The following IQCK variants were observed in gnomAD, a reference collection of about 807,000 sequenced individuals.
IQCK encodes the protein IQ domain-containing protein K.
A neutral mutation model predicts 28.1 loss-of-function variants in IQCK; 29 were observed. That is an observed-to-expected ratio of 1.03 (90% CI 0.77 to 1.41). The LOEUF (loss-of-function observed/expected upper bound fraction) is 1.41. Among genes scored for constraint, IQCK ranks in the 40% most tolerant of loss-of-function variants. The pLI, the probability that IQCK is intolerant of heterozygous loss-of-function variation, is 0.00. For missense variants in IQCK, 359 were observed against 314.7 expected (o/e 1.14, Z -1.07); for synonymous variants, 113 against 115.1 (o/e 0.98, Z 0.12).
intron 6 of IQCK, among the ~76,000 whole-genome samples, chr16:19,773,019 T>TA (rs1178281614): frequency 2.0e-5 from 3 of 151,710 alleles, no homozygotes; most frequent in Non-Finnish European, 4.4e-5. Context: ...TAATAATAAT[T>TA]AAAAAAACAT....
At chr16:19,769,678 A>G (rs772245921) in intron 6 of IQCK, among the ~76,000 whole-genome samples, 1 of 152,240 alleles carries the variant, frequency 6.6e-6, no homozygotes, top group Non-Finnish European at 1.5e-5. Flanking sequence ...GCATTATTCC[A>G]TAAGCAAGAG....
chr16:19,843,024 G>T (rs191191149), intron 9 of IQCK, among the ~76,000 whole-genome samples: 28 of 152,204 alleles, frequency 1.8e-4, no homozygotes, highest in Non-Finnish European at 4.0e-4. Context: ...TGTTGACAAG[G>T]AGAATAGGGC....
intron 4 of IQCK, among the ~76,000 whole-genome samples, chr16:19,750,012 G>A (rs748180684): frequency 6.6e-6 from 1 of 152,118 alleles, no homozygotes; most frequent in Non-Finnish European, 1.5e-5. Flanking sequence ...TTGTAGATGC[G>A]TGACCCCAGA....
At chr16:19,763,896 T>C (rs2055188720) in exon 5 of IQCK, 1 of 1,613,666 alleles carries the variant, frequency 6.2e-7, no homozygotes, top group Admixed American at 1.7e-5. Flanking sequence ...TGAGTGGTTA[T>C]ACAAGTAAGT....
At chr16:19,852,684 G>A (rs1032723254) in intron 9 of IQCK, among the ~76,000 whole-genome samples, 17 of 144,700 alleles carry the variant, frequency 1.2e-4, no homozygotes, top group Admixed American at 2.2e-4. Context: ...GTGCAGTGAC[G>A]CGATCTTGGC....
At chr16:19,765,362 A>AC (rs1567548529) in intron 6 of IQCK, among the ~76,000 whole-genome samples, 1 of 151,396 alleles carries the variant, frequency 6.6e-6, no homozygotes, top group Non-Finnish European at 1.5e-5. Context: ...ACATGGCAAA[A>AC]CCCCGTCTCT....
exon 10 of IQCK, chr16:19,857,470 C>CG: frequency 2.3e-6 from 1 of 437,454 alleles, no homozygotes; most frequent in African/African-American, 2.1e-5. Flanking sequence ...AACAGTCAGC[C>CG]GGGGGAAGAT....
chr16:19,730,612 G>A (rs1030439915), intron 2 of IQCK, 118 bp downstream of exon 2: 40 of 704,990 alleles, frequency 5.7e-5, no homozygotes, highest in Non-Finnish European at 3.2e-5. Context: ...GAAGGCACTG[G>A]AGCGAGAACC....
chr16:19,769,255 C>T (rs990461388), intron 6 of IQCK, among the ~76,000 whole-genome samples: 14 of 152,228 alleles, frequency 9.2e-5, no homozygotes, highest in South Asian at 6.2e-4. Flanking sequence ...GTGCCACATT[C>T]GAGGTTTAAT....
intron 6 of IQCK, among the ~76,000 whole-genome samples, chr16:19,765,040 G>A (rs1056503567): frequency 2.8e-5 from 4 of 144,204 alleles, no homozygotes; most frequent in Admixed American, 1.4e-4. Context: ...GGCTAACACA[G>A]TGAAACCCCG....
chr16:19,759,887 G>C (rs1357857145), intron 4 of IQCK, among the ~76,000 whole-genome samples: 3 of 152,118 alleles, frequency 2.0e-5, no homozygotes. Flanking sequence ...AGAGGCTGAG[G>C]CAGGAGGCAG....
intron 4 of IQCK, chr16:19,735,967 G>C: frequency 2.6e-6 from 1 of 383,152 alleles, no homozygotes. Context: ...TCAAGAGGCT[G>C]AGGCAGGAAG....
At chr16:19,814,807 A>C (rs1174383019) in intron 7 of IQCK, among the ~76,000 whole-genome samples, 1 of 99,570 alleles carries the variant, frequency 1.0e-5, no homozygotes, top group Non-Finnish European at 1.8e-5. Flanking sequence ...TTTTTTTTTG[A>C]GACAGGGTCT....
At chr16:19,828,977 AT>A (rs887281470), downstream of IQCK, among the ~76,000 whole-genome samples, 24 of 143,904 alleles carry the variant, frequency 1.7e-4, no homozygotes, top group African/African-American at 6.1e-4. Context: ...TAAATATATA[AT>A]TATATATATA....
intron 6 of IQCK, among the ~76,000 whole-genome samples, chr16:19,771,945 G>C (rs770281176): frequency 1.1e-4 from 16 of 152,106 alleles, no homozygotes; most frequent in Non-Finnish European, 2.4e-4. Context: ...GGATAAATAG[G>C]GATGGCCCAG....
chr16:19,849,514 C>T lies in IQCK; in HGVS notation c.803-6973C>T, dbSNP rs111458612. 8.1e-3 allele frequency among the ~76,000 whole-genome samples: 1,232 copies of T among 151,464 alleles called. 18 individuals carry two copies. The highest frequency in any genetic ancestry group is 0.028 in the African/African-American group (1,147 of 41,320). Reference sequence around the variant, plus strand: ...CGGTGGCTCATACCTGTAATCTCAGCGCTTTGGGAGGCCAAGACAGTAGGA... The same window carrying T: ...CGGTGGCTCATACCTGTAATCTCAGTGCTTTGGGAGGCCAAGACAGTAGGA... On this transcript the variant is annotated intron_variant, in intron 9 of 9. Coordinates refer to the IQCK transcript ENST00000320394.
chr16:19,853,821 T>C (rs772503784), intron 9 of IQCK, among the ~76,000 whole-genome samples: 1 of 152,126 alleles, frequency 6.6e-6, no homozygotes, highest in Non-Finnish European at 1.5e-5. Context: ...GTAGACAGGG[T>C]TTCACCATGT....
chr16:19,735,535 C>A, intron 4 of IQCK, 85 bp downstream of exon 4: 1 of 1,149,626 alleles, frequency 8.7e-7, no homozygotes, highest in Non-Finnish European at 1.3e-6. Context: ...TTGGTACCAT[C>A]AGGTTGTTCT....
chr16:19,853,196 G>C (rs1313996164), intron 9 of IQCK, among the ~76,000 whole-genome samples: 1 of 152,114 alleles, frequency 6.6e-6, no homozygotes, highest in Non-Finnish European at 1.5e-5. Context: ...CAGTGTAGTT[G>C]TGCCTCCAGA....
Sources: allele counts gnomAD v4.1 joint callset (sites outside exome capture counted in the v4.1 genomes callset), GRCh38; gene constraint gnomAD v4.1.1; transcripts MANE v1.5; gene names NCBI Gene and HGNC (gene_info 2026-07-23, HGNC 2026-07-21).